PARS2: variants seen among roughly 807,000 people sequenced by gnomAD.
The protein encoded by PARS2 is probable proline--tRNA ligase, mitochondrial.
PARS2 carries 20 observed loss-of-function variants against 27.4 expected under a neutral mutation model. That is an observed-to-expected ratio of 0.73 (90% CI 0.51 to 1.06). PARS2 has a LOEUF of 1.06. Ranked by LOEUF, PARS2 falls within the 50% of genes least tolerant of loss-of-function variation. The pLI, the probability that PARS2 is intolerant of heterozygous loss-of-function variation, is 0.00. For synonymous variants in PARS2, 240 were observed against 247.1 expected (o/e 0.97, Z 0.27); for missense variants, 585 against 602.1 (o/e 0.97, Z 0.30).
At chr1:54,759,807 A>T (rs1305403380) in intron 1 of PARS2, among the ~76,000 whole-genome samples, 1 of 152,116 alleles carries the variant, frequency 6.6e-6, no homozygotes, top group East Asian at 1.9e-4. Context: ...GGAGTTTGAG[A>T]CCAGCCTGAC....
In PARS2 at chr1:54,757,860, T is replaced by G. The variant is rs1245876373; in HGVS notation, c.1302A>C (p.Ile434=). 6.2e-7 allele frequency: 1 copy of G among 1,614,216 alleles called. No homozygotes were observed. Among genetic ancestry groups the G allele is most frequent in the Admixed American group, 1.7e-5 (1 of 60,026 alleles). The change falls in exon 2 of 2, where the codon ATA becomes ATC. Residue 434 remains isoleucine, a synonymous_variant. Coordinates refer to ENST00000371279, the MANE Select transcript of PARS2 (RefSeq NM_152268.4). Reference sequence around the variant, plus strand: ...CCTCCAGGGCCCTCTTGCCAGCGATTATCACAAAGGGGTAGCCAAACTTGT... The same window carrying G: ...CCTCCAGGGCCCTCTTGCCAGCGATGATCACAAAGGGGTAGCCAAACTTGT... ...DANKFGYPFV[I]IAGKRALEDP...
At chr1:54,760,336 G>A (rs76878062) in intron 1 of PARS2, among the ~76,000 whole-genome samples, 1,848 of 152,260 alleles carry the variant, frequency 0.012, 75 homozygotes, top group South Asian at 0.11. Context: ...GCCTGTCATT[G>A]TGAATAGCAC....
In PARS2 at chr1:54,757,842, G is replaced by A. The variant is rs1557762198; in HGVS notation, c.1320C>T (p.Ala440=). The change falls in exon 2 of 2, where the codon GCC becomes GCT. Residue 440 remains alanine, a synonymous_variant. Transcript: ENST00000371279. Reference sequence around the variant, plus strand: ...CCTCAAAATGTGCAGGGTCCTCCAGGGCCCTCTTGCCAGCGATTATCACAA... The same window carrying A: ...CCTCAAAATGTGCAGGGTCCTCCAGAGCCCTCTTGCCAGCGATTATCACAA... The part of the protein sequence containing the change: ...YPFVIIAGKR[A]LEDPAHFEVW... 2 of 1,614,158 alleles carry A rather than the reference G, an allele frequency of 1.2e-6. No individual in the cohort carries two copies. Among genetic ancestry groups the A allele is most frequent in the Non-Finnish European group, 1.7e-6 (2 of 1,180,028 alleles).
chr1:54,760,514 C>T (rs2101410389), intron 1 of PARS2, among the ~76,000 whole-genome samples: 1 of 152,334 alleles, frequency 6.6e-6, no homozygotes. Flanking sequence ...CCACCCTCAT[C>T]TCTCACCTGG....
rs1646139836 is a variant in PARS2 at position 54,759,115 on chromosome 1, G to A, written c.47C>T (p.Thr16Ile). 1.2e-6 allele frequency: 2 copies of A among 1,610,858 alleles called. No homozygotes were observed. Among genetic ancestry groups the A allele is most frequent in the African/African-American group, 1.3e-5 (1 of 74,992 alleles). Residue 16 changes from threonine (T) to isoleucine (I), a missense_variant, in exon 2 of 2, where the codon ACC becomes ATC. Coordinates refer to ENST00000371279, the MANE Select transcript of PARS2 (RefSeq NM_152268.4). Reference protein sequence around the residue: ...TRCRALPALATCSRQLSGYVP... With the variant: ...TRCRALPALAICSRQLSGYVP... ...ATACCCAGAGAGCTGGCGGCTGCAG[G>A]TGGCCAGGGCGGGCAATGCTCTGCA...
intron 1 of PARS2, among the ~76,000 whole-genome samples, chr1:54,763,744 T>G (rs1646169598): frequency 6.6e-6 from 1 of 152,248 alleles, no homozygotes; most frequent in South Asian, 2.1e-4. Context: ...GTACCTACTC[T>G]GTCGGGACAC....
chr1:54,761,301 G>T (rs1427907095), intron 1 of PARS2, among the ~76,000 whole-genome samples: 1 of 151,962 alleles, frequency 6.6e-6, no homozygotes, highest in Non-Finnish European at 1.5e-5. Flanking sequence ...CCTGACACTT[G>T]GCTCAGTGCA....
chr1:54,757,983 C>T lies in PARS2; in HGVS notation c.1179G>A (p.Leu393=), dbSNP rs764071499. The change falls in exon 2 of 2, where the codon CTG becomes CTA. Residue 393 remains leucine, a synonymous_variant. Transcript: ENST00000371279. ...EQAASELIGQ[L]YDHITEAVPQ... ...GCACTGCCTCTGTGATGTGGTCGTA[C>T]AGCTGCCCTATGAGCTCGGAGGCCG... 4 of 1,614,146 alleles carry T rather than the reference C, an allele frequency of 2.5e-6. No individual in the cohort carries two copies. Among genetic ancestry groups the T allele is most frequent in the Non-Finnish European group, 3.4e-6 (4 of 1,180,002 alleles).
chr1:54,757,701 C>G lies in PARS2; in HGVS notation c.*33G>C, dbSNP rs757381667. 2.1e-6 allele frequency: 3 copies of G among 1,457,466 alleles called. No individual in the cohort carries two copies. In the Admixed American group the frequency reaches 5.4e-5, roughly 26 times the overall value. 90.3% of individuals were successfully genotyped at this position (1,457,466 alleles called of 1,614,324 possible). On this transcript the variant is annotated 3_prime_UTR_variant, in exon 2 of 2. Transcript: ENST00000371279. The stretch of plus-strand genomic sequence containing the variant: ...TGCAGTGTTAGAACGAACACCAAGG[C>G]TGCAAATGGGGGCAGGGGTGGGCTG...
In PARS2 at chr1:54,760,968, C is replaced by T. The variant is rs1245953154; in HGVS notation, c.-29-1778G>A. On this transcript the variant is annotated intron_variant, in intron 1 of 1. Transcript: ENST00000371279. ...AATTTTTTTGTATCTTTAGTAGAGA[C>T]GGGGTTTCACCGTGTTAGCCAGGAT... is the stretch of plus-strand genomic sequence containing the variant. Among the ~76,000 whole-genome samples, 5 of 152,256 alleles carry T rather than the reference C, an allele frequency of 3.3e-5. No individual in the cohort carries two copies. In the East Asian group the frequency reaches 5.8e-4, roughly 18 times the overall value.
rs1156771999 is a variant in PARS2 at position 54,759,028 on chromosome 1, A to G, written c.134T>C (p.Val45Ala). 1 of 1,614,174 alleles carries G rather than the reference A, an allele frequency of 6.2e-7. No homozygotes were observed. Among genetic ancestry groups the G allele is most frequent in the Non-Finnish European group, 8.5e-7 (1 of 1,180,018 alleles). The change falls in exon 2 of 2, where the codon GTG (valine) becomes GCG (alanine). Residue 45 changes from valine (V) to alanine (A), a missense_variant. Transcript: ENST00000371279. Reference protein sequence around the residue: ...RRGRRLLLSRVFQPQNLREDR... With the variant: ...RRGRRLLLSRAFQPQNLREDR... ...TTCCCGAAGGTTCTGTGGCTGGAAC[A>G]CACGAGACAGCAGCAGGCGCCGCCC...
intron 1 of PARS2, among the ~76,000 whole-genome samples, chr1:54,760,161 C>G (rs552851529): frequency 6.6e-5 from 10 of 152,046 alleles, no homozygotes; most frequent in Non-Finnish European, 1.3e-4. Flanking sequence ...TGTCATGGGC[C>G]TCTTCCCTCT....
At chr1:54,761,426 T>G (rs1412391002) in intron 1 of PARS2, among the ~76,000 whole-genome samples, 1 of 152,216 alleles carries the variant, frequency 6.6e-6, no homozygotes, top group Non-Finnish European at 1.5e-5. Flanking sequence ...AATCACACAT[T>G]TCTAATGGCA....
intron 1 of PARS2, among the ~76,000 whole-genome samples, chr1:54,762,397 C>T (rs1646162806): frequency 6.6e-6 from 1 of 152,214 alleles, no homozygotes; most frequent in South Asian, 2.1e-4. Flanking sequence ...GCCACGGCCT[C>T]CCAAAGTGCT....
chr1:54,764,324 C>T (rs1233737577), intron 1 of PARS2, 137 bp downstream of exon 1: 2 of 152,264 alleles, frequency 1.3e-5, no homozygotes, highest in Admixed American at 1.3e-4. Flanking sequence ...GATTCTCGCC[C>T]GCCCCAACTC....
chr1:54,762,990 C>T (rs1161308819), intron 1 of PARS2, among the ~76,000 whole-genome samples: 4 of 152,232 alleles, frequency 2.6e-5, no homozygotes, highest in African/African-American at 9.6e-5. Context: ...CCATTAACGG[C>T]TGGCTCTCAT....
intron 1 of PARS2, 113 bp downstream of exon 1, chr1:54,764,348 A>C (rs2101415593): frequency 6.6e-6 from 1 of 152,372 alleles, no homozygotes; most frequent in Admixed American, 6.5e-5. Flanking sequence ...GACGGGATGC[A>C]AGTGGGAAAA....
rs1646140952 is a variant in PARS2 at position 54,759,277 on chromosome 1, T to G, written c.-29-87A>C. ...CAACCCAGCCTGCTCTCAACAAACT[T>G]CGAAGGCAGCCACTGATTTTGCAGA... On this transcript the variant is annotated intron_variant, in intron 1 of 1. Coordinates refer to ENST00000371279, the MANE Select transcript of PARS2 (RefSeq NM_152268.4). The G allele has an allele frequency of 9.6e-6, 7 of 729,984 alleles. No homozygotes were observed. The East Asian group carries it at 2.0e-4, about 20-fold the overall frequency. The allele number at this position is 729,984 out of a possible 1,614,324, so 45.2% of individuals were successfully genotyped here.
Position 54,757,937 on chromosome 1 carries a change from G to A in PARS2, c.1225C>T (p.Leu409Phe), listed in dbSNP as rs753499186. The A allele has an allele frequency of 6.2e-6, 10 of 1,614,066 alleles. No homozygotes were observed. Among genetic ancestry groups the A allele is most frequent in the African/African-American group, 2.7e-5 (2 of 74,934 alleles). ...GTCAGATGGGTCCTGTCGTCCAGGAGCACCTCCCCGTGAAGCTGAGGCACT... is the reference window on the plus strand; with the variant it reads ...GTCAGATGGGTCCTGTCGTCCAGGAACACCTCCCCGTGAAGCTGAGGCACT... Reference protein sequence around the residue: ...EAVPQLHGEVLLDDRTHLTIG... With the variant: ...EAVPQLHGEVFLDDRTHLTIG... The change falls in exon 2 of 2, where the codon CTC becomes TTC. Residue 409 changes from leucine to phenylalanine, a missense_variant. By Grantham distance (22) the Leu-to-Phe change is conservative. Transcript: ENST00000371279.
Sources: allele counts gnomAD v4.1 joint callset (sites outside exome capture counted in the v4.1 genomes callset), GRCh38; gene constraint gnomAD v4.1.1; transcripts MANE v1.5; gene names NCBI Gene and HGNC (gene_info 2026-07-23, HGNC 2026-07-21).